TMEM132D: variants seen among roughly 807,000 people sequenced by gnomAD.
The protein encoded by TMEM132D is transmembrane protein 132D.
Under a neutral mutation model 62.3 loss-of-function variants are expected in TMEM132D, and 21 were observed. The observed-to-expected ratio is 0.34, with a 90% confidence interval of 0.24 to 0.49. The LOEUF (loss-of-function observed/expected upper bound fraction) is 0.49. Ranked by LOEUF, TMEM132D falls within the 20% of genes least tolerant of loss-of-function variation. The pLI, the probability that TMEM132D is intolerant of heterozygous loss-of-function variation, is 0.99. For missense variants in TMEM132D, 1,346 were observed against 1,402.8 expected, an observed-to-expected ratio of 0.96 and a Z score of 0.65; for synonymous variants, 621 against 575.6, an observed-to-expected ratio of 1.08 and a Z score of -1.13.
intron 4 of TMEM132D, among the ~76,000 whole-genome samples, chr12:129,256,550 T>C (rs897855376): frequency 6.6e-6 from 1 of 152,106 alleles, no homozygotes; most frequent in Admixed American, 6.5e-5. Flanking sequence ...GCCTCCCTAG[T>C]AGCTGGGATT....
Position 129,253,948 on chromosome 12 carries a change from G to A in TMEM132D, c.1300-44285C>T, listed in dbSNP as rs533529118. On this transcript the variant is annotated intron_variant, in intron 4 of 8. Transcript: ENST00000422113. ...AAAGAACTGGAAGTCAGTGAACAAC[G>A]TAAAAGCCCAAAAGGAAAAAGGAAA... is the stretch of plus-strand genomic sequence containing the variant. Among the ~76,000 whole-genome samples the A allele has an allele frequency of 2.3e-3, 355 of 152,246 alleles. 4 individuals are homozygous for A. Among genetic ancestry groups the A allele is most frequent in the African/African-American group, 7.9e-3 (330 of 41,528 alleles).
intron 3 of TMEM132D, among the ~76,000 whole-genome samples, chr12:129,469,659 G>C (rs765498433): frequency 4.7e-4 from 72 of 152,322 alleles, no homozygotes; most frequent in Non-Finnish European, 2.5e-4. Context: ...CCAGTAACTG[G>C]TCATTGCTGC....
chr12:129,616,251 T>C (rs12229466), intron 2 of TMEM132D, among the ~76,000 whole-genome samples: 33,661 of 152,128 alleles, frequency 0.22, 4,175 homozygotes, highest in East Asian at 0.41. Context: ...CAGCCATTTC[T>C]GATGCATCAG....
intron 3 of TMEM132D, among the ~76,000 whole-genome samples, chr12:129,512,813 T>C (rs1875534752): frequency 6.6e-6 from 1 of 152,196 alleles, no homozygotes; most frequent in South Asian, 2.1e-4. Context: ...CCAGAGTGAA[T>C]GTCTCAAGAA....
At chr12:129,374,268 T>TGAGAGAGAGAGAGAGAGAGAGA (rs1566048946) in intron 3 of TMEM132D, among the ~76,000 whole-genome samples, 10 of 28,316 alleles carry the variant, frequency 3.5e-4, no homozygotes, top group African/African-American at 1.1e-3. Flanking sequence ...ACCTCACACA[T>TGAGAGAGAGAGAGAGAGAGAGA]CAGAGAGAGA....
At chr12:129,431,740 G>A (rs1383617848) in intron 3 of TMEM132D, among the ~76,000 whole-genome samples, 1 of 152,032 alleles carries the variant, frequency 6.6e-6, no homozygotes, top group Non-Finnish European at 1.5e-5. Flanking sequence ...TCTCACTCTG[G>A]GTAAAAACTT....
At chr12:129,411,866 G>A (rs145226827) in intron 3 of TMEM132D, among the ~76,000 whole-genome samples, 125 of 152,156 alleles carry the variant, frequency 8.2e-4, no homozygotes, top group African/African-American at 2.9e-3. Context: ...TGTTTTCATC[G>A]TGTTATCTTC....
At chr12:129,221,687 C>T (rs1238547011) in intron 4 of TMEM132D, among the ~76,000 whole-genome samples, 1 of 152,068 alleles carries the variant, frequency 6.6e-6, no homozygotes, top group Non-Finnish European at 1.5e-5. Context: ...TTAAAAAAAC[C>T]TTTTCAATCA....
At chr12:129,503,088 A>ACGAGTG (rs1875206451) in intron 3 of TMEM132D, among the ~76,000 whole-genome samples, 8 of 152,320 alleles carry the variant, frequency 5.3e-5, no homozygotes, top group African/African-American at 1.7e-4. Context: ...TGGTCATTTA[A>ACGAGTG]AAGTCATAGA....
intron 5 of TMEM132D, among the ~76,000 whole-genome samples, chr12:129,165,841 G>GA (rs1877530055): frequency 6.6e-6 from 1 of 152,064 alleles, no homozygotes; most frequent in South Asian, 2.1e-4. Context: ...TGTAAGTATA[G>GA]AAAAAAATAA....
intron 4 of TMEM132D, among the ~76,000 whole-genome samples, chr12:129,289,025 T>G (rs1312074503): frequency 6.6e-6 from 1 of 151,928 alleles, no homozygotes; most frequent in African/African-American, 2.4e-5. Context: ...TTTAGAGACC[T>G]CCTGTGAATG....
chr12:129,824,212 T>C (rs1872602921), intron 1 of TMEM132D, among the ~76,000 whole-genome samples: 1 of 152,234 alleles, frequency 6.6e-6, no homozygotes, highest in African/African-American at 2.4e-5. Flanking sequence ...GAAGCAGTTT[T>C]AATCTTCTTC....
At chr12:129,298,261 T>G (rs1272995388) in intron 4 of TMEM132D, among the ~76,000 whole-genome samples, 1 of 152,180 alleles carries the variant, frequency 6.6e-6, no homozygotes, top group African/African-American at 2.4e-5. Context: ...TCTCAGAATT[T>G]TAGAGCTAAA....
intron 4 of TMEM132D, among the ~76,000 whole-genome samples, chr12:129,307,082 G>A (rs1293162279): frequency 1.4e-5 from 2 of 145,966 alleles, no homozygotes; most frequent in Non-Finnish European, 3.0e-5. Context: ...TTTTGTCTAA[G>A]CAAATTTAGC....
intron 1 of TMEM132D, among the ~76,000 whole-genome samples, chr12:129,742,277 A>G (rs1869634174): frequency 6.6e-6 from 1 of 152,196 alleles, no homozygotes; most frequent in East Asian, 1.9e-4. Flanking sequence ...CTGTGCAAGT[A>G]TGGTACCAGC....
chr12:129,624,751 G>T (rs528716044), intron 2 of TMEM132D, among the ~76,000 whole-genome samples: 41 of 152,302 alleles, frequency 2.7e-4, no homozygotes, highest in African/African-American at 9.9e-4. Flanking sequence ...GCACAGGGCA[G>T]AGTGAACCAG....
chr12:129,509,060 C>T (rs1204892133), intron 3 of TMEM132D, among the ~76,000 whole-genome samples: 3 of 152,142 alleles, frequency 2.0e-5, no homozygotes, highest in Non-Finnish European at 4.4e-5. Flanking sequence ...ACATTATTTA[C>T]TGAACCTACC....
At chr12:129,821,187 C>T (rs1015202753) in intron 1 of TMEM132D, among the ~76,000 whole-genome samples, 1 of 152,162 alleles carries the variant, frequency 6.6e-6, no homozygotes, top group Non-Finnish European at 1.5e-5. Flanking sequence ...GAAATTAAGA[C>T]AGATTCTCTC....
intron 1 of TMEM132D, among the ~76,000 whole-genome samples, chr12:129,895,660 A>G (rs936742378): frequency 1.3e-5 from 2 of 152,174 alleles, no homozygotes; most frequent in Admixed American, 6.5e-5. Flanking sequence ...TCTCCAGGCT[A>G]TTTAGGACAG....
Sources: allele counts gnomAD v4.1 joint callset (sites outside exome capture counted in the v4.1 genomes callset), GRCh38; gene constraint gnomAD v4.1.1; transcripts MANE v1.5; gene names NCBI Gene and HGNC (gene_info 2026-07-23, HGNC 2026-07-21).